Variants in MYO1C observed in about 807,000 individuals in gnomAD.
MYO1C encodes the protein unconventional myosin-Ic.
In MYO1C, 104 loss-of-function variants were observed where a neutral mutation model predicts 150.8. The observed-to-expected ratio is 0.69, with a 90% CI of 0.59 to 0.81. MYO1C has a LOEUF of 0.81. Ranked by LOEUF, MYO1C falls within the 30% of genes least tolerant of loss-of-function variation. MYO1C has a pLI of 0.00. For synonymous variants in MYO1C, 663 were observed against 579.9 expected (o/e 1.14, Z -2.06); for missense variants, 1,504 against 1,435.0 (o/e 1.05, Z -0.78).
chr17:1,477,898 G>T lies in MYO1C; in HGVS notation c.1475C>A (p.Ser492Ter). ...LVEEKFKGII[S>*]ILDEECLRPG... ...GAGGCGCAGAGGACTCACCAAAATC[G>T]AGATGATGCCCTTAAACTTCTCCTC... Residue 492 changes from serine to a stop codon, truncating the protein, a stop_gained, in exon 13 of 32, where the codon TCG (serine) becomes TAG (stop). Coordinates refer to ENST00000648651, the MANE Select transcript of MYO1C (RefSeq NM_001080779.2). LOFTEE classifies it high-confidence loss of function. 1.2e-6 allele frequency: 2 copies of T among 1,613,994 alleles called. No homozygotes were observed. Among genetic ancestry groups the T allele is most frequent in the Non-Finnish European group, 1.7e-6 (2 of 1,179,940 alleles).
Position 1,472,140 on chromosome 17 carries a change from T to A in MYO1C, c.1886A>T (p.Asn629Ile). 1 of 1,613,884 alleles carries A rather than the reference T, an allele frequency of 6.2e-7. No individual in the cohort carries two copies. Among genetic ancestry groups the A allele is most frequent in the Non-Finnish European group, 8.5e-7 (1 of 1,179,818 alleles). The change falls in exon 18 of 32, where the codon AAT (asparagine) becomes ATT (isoleucine). Residue 629 changes from asparagine (N) to isoleucine (I), a missense_variant. Coordinates refer to ENST00000648651, the MANE Select transcript of MYO1C (RefSeq NM_001080779.2). The stretch of plus-strand genomic sequence containing the variant: ...GGGCCTACCGGGCTGTTTGGCATCA[T>A]TGGGTTTGATGCAGCGGACGTAGGC... Reference protein sequence around the residue: ...EPAYVRCIKPNDAKQPGRFDE... With the variant: ...EPAYVRCIKPIDAKQPGRFDE...
rs1463541688 is a variant in MYO1C at position 1,465,117 on chromosome 17, G to C, written c.*609C>G. The C allele has an allele frequency of 6.6e-6, 1 of 152,576 alleles. No homozygotes were observed. Among genetic ancestry groups the C allele is most frequent in the African/African-American group, 2.4e-5 (1 of 41,430 alleles). The allele number at this position is 152,576 out of a possible 1,614,324, so 9.5% of individuals were successfully genotyped here. A position where few individuals can be genotyped will look rare whatever the true frequency, so the allele number is the denominator to read the frequency against. ...GTGAGCCACCATGCCCAGCCTAAAA[G>C]GACATTCTTAAGGCAGAAAGAAGGG... On this transcript the variant is annotated 3_prime_UTR_variant, in exon 32 of 32. Coordinates refer to ENST00000648651, the MANE Select transcript of MYO1C (RefSeq NM_001080779.2).
Position 1,490,496 on chromosome 17 carries a change from TCAAAA to T in MYO1C, c.75+1912_75+1916del, listed in dbSNP as rs970054142. ...CTGGGCAACAGAGCGAGACTCCATC[TCAAAA>T]CAAAACAAAACAACAACAAAAACAA... On this transcript the variant is annotated intron_variant, in intron 1 of 31. Coordinates refer to ENST00000648651, the MANE Select transcript of MYO1C (RefSeq NM_001080779.2). Among the ~76,000 whole-genome samples, 7 of 151,960 alleles carry T rather than the reference TCAAAA, an allele frequency of 4.6e-5. No individual in the cohort carries two copies. The South Asian group carries it at 8.3e-4, about 18-fold the overall frequency.
chr17:1,491,672 G>A, intron 1 of MYO1C: 5 of 980,028 alleles, frequency 5.1e-6, no homozygotes, highest in Non-Finnish European at 6.0e-6. Context: ...CGGCCCGGGC[G>A]CACTCTCCCC....
chr17:1,491,485 G>A (rs1247354115), intron 1 of MYO1C: 1 of 345,986 alleles, frequency 2.9e-6, no homozygotes, highest in Non-Finnish European at 3.9e-6. Context: ...GCCGTTCTTC[G>A]GCCCCAGCGA....
chr17:1,483,582 C>T (rs375038914), intron 3 of MYO1C, 28 bp downstream of exon 3: 66 of 1,541,956 alleles, frequency 4.3e-5, no homozygotes, highest in Non-Finnish European at 5.3e-5. Context: ...ACAGAGGGGT[C>T]GCTCCCGGAG....
chr17:1,484,531 G>C (rs1380887700), intron 1 of MYO1C: 7 of 613,994 alleles, frequency 1.1e-5, no homozygotes, highest in African/African-American at 1.8e-5. Flanking sequence ...TGGCAGCAGA[G>C]GGATCACCGA....
Position 1,479,543 on chromosome 17 carries a change from A to ACCCCCCCCCC in MYO1C, c.1021-42_1021-41insGGGGGGGGGG. ...GAGGACACGGTGAGGGTGCACCCCC[A>ACCCCCCCCCC]GCCCCCGCCCCCGCCGTCCTCCCGT... On this transcript the variant is annotated intron_variant, in intron 8 of 31. Transcript: ENST00000648651. This position sits in a 1 kb window ranked among gnomAD's most constrained non-coding sequence, Gnocchi z 4.2. 4 of 955,572 alleles carry ACCCCCCCCCC rather than the reference A, an allele frequency of 4.2e-6. No homozygotes were observed. The highest frequency in any genetic ancestry group is 6.6e-6 in the Non-Finnish European group (4 of 606,020). The allele number at this position is 955,572 out of a possible 1,614,324, so 59.2% of individuals were successfully genotyped here. A position where few individuals can be genotyped will look rare whatever the true frequency, so the allele number is the denominator to read the frequency against.
chr17:1,467,111 G>C (rs1479093116), intron 31 of MYO1C, 131 bp downstream of exon 31: 3 of 876,904 alleles, frequency 3.4e-6, no homozygotes, highest in Non-Finnish European at 5.5e-6. Flanking sequence ...GGTGGGCCAA[G>C]GGATGGAAGA....
rs1464320345 is a variant in MYO1C, at chr17:1,467,973, T to G, written c.2896+15A>C. 1.2e-6 allele frequency: 2 copies of G among 1,613,058 alleles called. No homozygotes were observed. Among genetic ancestry groups the G allele is most frequent in the South Asian group, 1.1e-5 (1 of 91,018 alleles). ...GAGCAGGGCCCTCCCCCTGCAGCCCTGGACCCTGGCTGACCGGTCAGGTTG... is the reference window on the plus strand; with the variant it reads ...GAGCAGGGCCCTCCCCCTGCAGCCCGGGACCCTGGCTGACCGGTCAGGTTG... On this transcript the variant is annotated intron_variant, in intron 28 of 31. Coordinates refer to ENST00000648651, the MANE Select transcript of MYO1C (RefSeq NM_001080779.2).
rs1023515314 is a variant in MYO1C at position 1,482,565 on chromosome 17, G to A, written c.547-7C>T. The stretch of plus-strand genomic sequence containing the variant: ...TCTTGGCATTTCCAAAGGCCTAGGA[G>A]TGGACAGGGGTATGAGGGACACCTG... On this transcript the variant is annotated splice_region_variant and splice_polypyrimidine_tract_variant and intron_variant, in intron 4 of 31. Coordinates refer to ENST00000648651, the MANE Select transcript of MYO1C (RefSeq NM_001080779.2). 6 of 1,613,250 alleles carry A rather than the reference G, an allele frequency of 3.7e-6. No individual in the cohort carries two copies. Among genetic ancestry groups the A allele is most frequent in the Non-Finnish European group, 5.1e-6 (6 of 1,179,476 alleles).
intron 14 of MYO1C, among the ~76,000 whole-genome samples, chr17:1,476,797 TCAAA>T (rs2074409661): frequency 6.6e-6 from 1 of 151,710 alleles, no homozygotes; most frequent in South Asian, 2.1e-4. Flanking sequence ...AGTTTCATTC[TCAAA>T]CAAGAAGAAG....
In MYO1C at chr17:1,467,351, C is replaced by A. The variant is rs377691164; in HGVS notation, c.3066-10G>T. ...CCCTGCAAACGTGATGCTGGGGGAA[C>A]GGGGTGGGTGAGGGTTTTTCCATGG... On this transcript the variant is annotated splice_polypyrimidine_tract_variant and intron_variant, in intron 30 of 31. Coordinates refer to ENST00000648651, the MANE Select transcript of MYO1C (RefSeq NM_001080779.2). The A allele has an allele frequency of 1.6e-5, 25 of 1,610,156 alleles. No homozygotes were observed. In the East Asian group the frequency reaches 5.6e-4, roughly 36 times the overall value.
Position 1,479,389 on chromosome 17 carries a change from A to T in MYO1C, c.1092+42T>A. ...TGATGGGAGTAGGGGCTGCCTTGGA[A>T]CAGCTGCCCCTCCACACCCGAGGGC... On this transcript the variant is annotated intron_variant, in intron 9 of 31. Transcript: ENST00000648651. This position sits in a 1 kb window ranked among gnomAD's most constrained non-coding sequence, Gnocchi z 4.2. 1 of 915,380 alleles carries T rather than the reference A, an allele frequency of 1.1e-6. No homozygotes were observed. Among genetic ancestry groups the T allele is most frequent in the Non-Finnish European group, 1.7e-6 (1 of 576,634 alleles). The allele number at this position is 915,380 out of a possible 1,614,324, so 56.7% of individuals were successfully genotyped here. A position where few individuals can be genotyped will look rare whatever the true frequency, so the allele number is the denominator to read the frequency against.
At position 1,479,743 on chromosome 17, in the gene MYO1C, G is replaced by A; in HGVS notation, c.907-38C>T. 2 of 1,509,712 alleles carry A rather than the reference G, an allele frequency of 1.3e-6. No homozygotes were observed. Among genetic ancestry groups the A allele is most frequent in the Non-Finnish European group, 1.8e-6 (2 of 1,099,920 alleles). 93.5% of individuals were successfully genotyped at this position (1,509,712 alleles called of 1,614,324 possible). A position where few individuals can be genotyped will look rare whatever the true frequency, so the allele number is the denominator to read the frequency against. ...GCCGGGGGCAGGAGGGGGTGAGAGG[G>A]GCCAGAGAGCCCCAAGAGGGCAACT... On this transcript the variant is annotated intron_variant, in intron 7 of 31. Transcript: ENST00000648651. The surrounding 1 kb of genome is among the most constrained non-coding windows in gnomAD (Gnocchi z 4.2).
In MYO1C at chr17:1,468,045, C is replaced by A. The variant is rs757986820; in HGVS notation, c.2839G>T (p.Val947Phe). The A allele has an allele frequency of 1.9e-6, 3 of 1,613,114 alleles. No individual in the cohort carries two copies. Among genetic ancestry groups the A allele is most frequent in the Non-Finnish European group, 2.5e-6 (3 of 1,179,914 alleles). The change falls in exon 28 of 32, where the codon GTC becomes TTC. Residue 947 changes from valine to phenylalanine, a missense_variant. Physicochemically the swap from Val to Phe is conservative, Grantham distance 50 (BLOSUM62 -1). Coordinates refer to ENST00000648651, the MANE Select transcript of MYO1C (RefSeq NM_001080779.2). Reference sequence around the variant, plus strand: ...ACTTTGGCGTCCTCCACGATGACGACGGCGTTGGGCGTGAGCAGCAGCTGC... The same window carrying A: ...ACTTTGGCGTCCTCCACGATGACGAAGGCGTTGGGCGTGAGCAGCAGCTGC... ...SRQLLLTPNAVVIVEDAKVKQ... is the reference protein window; with the variant it reads ...SRQLLLTPNAFVIVEDAKVKQ...
chr17:1,467,949 A>T, intron 28 of MYO1C, 39 bp from the exon 29 acceptor site: 1 of 1,612,658 alleles, frequency 6.2e-7, no homozygotes, highest in Non-Finnish European at 8.5e-7. Flanking sequence ...CGAGGGTCAG[A>T]GCAGGGCCCT....
In MYO1C at chr17:1,480,599, G is replaced by A. The variant is rs12452780; in HGVS notation, c.834C>T (p.Ile278=). The change falls in exon 7 of 32, where the codon ATC becomes ATT. Residue 278 remains isoleucine, a synonymous_variant. Transcript: ENST00000648651. ...CGACCTTCCAGTCACTCTTGTCGTT[G>A]ATGGAGGAGACTTTGGCACACTGGC... The part of the protein sequence containing the change: ...VKGQCAKVSS[I]NDKSDWKVVR... 0.035 allele frequency: 57,106 copies of A among 1,613,990 alleles called. 2,479 individuals carry two copies. Among genetic ancestry groups the A allele is most frequent in the Admixed American group, 0.16 (9,450 of 60,004 alleles).
rs759488300 is a variant in MYO1C at position 1,468,068 on chromosome 17, T to C, written c.2816A>G (p.Gln939Arg). 9 of 1,613,430 alleles carry C rather than the reference T, an allele frequency of 5.6e-6. No individual in the cohort carries two copies. The highest frequency in any genetic ancestry group is 1.7e-5 in the Admixed American group (1 of 59,938). The change falls in exon 28 of 32, where the codon CAG (glutamine) becomes CGG (arginine). Residue 939 changes from glutamine (Q) to arginine (R), a missense_variant. By Grantham distance (43) the Gln-to-Arg change is conservative (BLOSUM62 1). Coordinates refer to ENST00000648651, the MANE Select transcript of MYO1C (RefSeq NM_001080779.2). ...DRKGYKPRSR[Q>R]LLLTPNAVVI... is the part of the protein sequence containing the mutation. ...GACGGCGTTGGGCGTGAGCAGCAGCTGCCGGGAGCGAGGCTTGTAGCCCTT... is the reference window on the plus strand; with the variant it reads ...GACGGCGTTGGGCGTGAGCAGCAGCCGCCGGGAGCGAGGCTTGTAGCCCTT...
Sources: gnomAD v4.1 joint callset for allele counts (sites outside exome capture counted in the v4.1 genomes callset) on GRCh38, gnomAD v4.1.1 for gene constraint, Gnocchi (gnomAD v3.1) non-coding constraint, MANE v1.5 for transcripts, NCBI Gene and HGNC (gene_info 2026-07-23, HGNC 2026-07-21) for gene names.